Variants in ESS2 observed in about 807,000 individuals in gnomAD.
The protein encoded by ESS2 is ess-2 spliceosome associated protein.
In ESS2, 31 loss-of-function variants were observed where a neutral mutation model predicts 52.0. The ratio of observed to expected loss-of-function variants is 0.60; its 90% confidence interval spans 0.45 to 0.81. The LOEUF is 0.81. Among genes scored for constraint, ESS2 ranks in the 30% least tolerant of loss-of-function variants. The pLI, the probability that ESS2 is intolerant of heterozygous loss-of-function variation, is 0.00. For synonymous variants in ESS2, 285 were observed against 259.2 expected (o/e 1.10, Z -0.95); for missense variants, 602 against 637.2 (o/e 0.94, Z 0.59).
In ESS2 at chr22:19,139,692, T is replaced by C. The variant is rs757856073; in HGVS notation, c.608A>G (p.His203Arg). The change falls in exon 5 of 10, where the codon CAC becomes CGC. Residue 203 changes from histidine to arginine, a missense_variant. His to Arg is a conservative substitution (Grantham distance 29). Transcript: ENST00000252137. ...GGCCTGGCTGCTCTCGATGGCCTGG[T>C]GCTCTGCTGACGGGAGTTCGAGATT... Reference protein sequence around the residue: ...KDNLELPSAEHQAIESSQASV... With the variant: ...KDNLELPSAERQAIESSQASV... 12 of 1,614,096 alleles carry C rather than the reference T, an allele frequency of 7.4e-6. No homozygotes were observed. Among genetic ancestry groups the C allele is most frequent in the Admixed American group, 1.7e-5 (1 of 60,002 alleles).
chr22:19,144,612 G>T lies in ESS2; in HGVS notation c.29C>A (p.Ser10Tyr). The change falls in exon 1 of 10, where the codon TCC becomes TAC. Residue 10 changes from serine to tyrosine, a missense_variant. By Grantham distance (144) the Ser-to-Tyr change is moderately radical. Coordinates refer to ENST00000252137, the MANE Select transcript of ESS2 (RefSeq NM_022719.3). METPGASAS[S>Y]LLLPAASRPP... ...CCTGGACGCGGCGGGAAGCAACAAG[G>T]ACGACGCTGATGCGCCCGGCGTCTC... is the stretch of plus-strand genomic sequence containing the variant. The T allele has an allele frequency of 6.3e-7, 1 of 1,576,854 alleles. No homozygotes were observed.
chr22:19,140,646 G>C (rs1451143894), intron 3 of ESS2, among the ~76,000 whole-genome samples: 1 of 152,190 alleles, frequency 6.6e-6, no homozygotes. Context: ...TCCCACTGAG[G>C]TGGTGCCCTG....
rs2083501062 is a variant in ESS2 at position 19,131,067 on chromosome 22, C to G, written c.*3129G>C. ...TCCAGCTTGACTTGTGACAGGGAAA[C>G]CAATGCAGCAGCAGCAGGGCCACCA... is the stretch of plus-strand genomic sequence containing the variant. On this transcript the variant is annotated 3_prime_UTR_variant, in exon 10 of 10. Coordinates refer to ENST00000252137, the MANE Select transcript of ESS2 (RefSeq NM_022719.3). This position sits in a 1 kb window ranked among gnomAD's most constrained non-coding sequence, Gnocchi z 5.7. 3.6e-6 allele frequency: 1 copy of G among 276,564 alleles called. No homozygotes were observed. The highest frequency in any genetic ancestry group is 2.2e-5 in the African/African-American group (1 of 45,428). The allele number at this position is 276,564 out of a possible 1,614,324, so 17.1% of individuals were successfully genotyped here.
In ESS2 at chr22:19,131,951, C is replaced by G. The variant is rs185015956; in HGVS notation, c.*2245G>C. 1.2e-6 allele frequency: 2 copies of G among 1,614,144 alleles called. No homozygotes were observed. The highest frequency in any genetic ancestry group is 2.7e-5 in the African/African-American group (2 of 75,038). ...GCGGGTCGGCAGCATATGCAGCCCC[C>G]GAGGTGCTGCAGAGCATCCCCTACC... On this transcript the variant is annotated 3_prime_UTR_variant, in exon 10 of 10. Transcript: ENST00000252137. The surrounding 1 kb of genome is among the most constrained non-coding windows in gnomAD (Gnocchi z 5.7).
chr22:19,132,075 C>G lies in ESS2; in HGVS notation c.*2121G>C. 2 of 1,613,840 alleles carry G rather than the reference C, an allele frequency of 1.2e-6. No homozygotes were observed. The highest frequency in any genetic ancestry group is 1.7e-6 in the Non-Finnish European group (2 of 1,179,826). ...CGACTCCGACATCAGGAAGATGCTGCGTATCCAGAAGGAGCACCGTGTGGA... is the reference window on the plus strand; with the variant it reads ...CGACTCCGACATCAGGAAGATGCTGGGTATCCAGAAGGAGCACCGTGTGGA... On this transcript the variant is annotated 3_prime_UTR_variant, in exon 10 of 10. Coordinates refer to ENST00000252137, the MANE Select transcript of ESS2 (RefSeq NM_022719.3). The surrounding 1 kb of genome is among the most constrained non-coding windows in gnomAD (Gnocchi z 4.2).
intron 8 of ESS2, among the ~76,000 whole-genome samples, chr22:19,136,031 T>TAAAAAAAAAAAAAAAAAAAA (rs377121962): frequency 6.5e-5 from 6 of 92,540 alleles, no homozygotes; most frequent in African/African-American, 2.6e-4. Context: ...CCCTATCTGT[T>TAAAAAAAAAAAAAAAAAAAA]AAAAAAAAAA....
rs1347666599 is a variant in ESS2, at chr22:19,134,037, C to G, written c.*159G>C. The G allele has an allele frequency of 2.7e-5, 24 of 888,896 alleles. No homozygotes were observed. Among genetic ancestry groups the G allele is most frequent in the Non-Finnish European group, 3.3e-5 (22 of 659,562 alleles). 55.1% of individuals were successfully genotyped at this position (888,896 alleles called of 1,614,324 possible). ...TGGTGTGGGCACGAGTGCCTTGTGCCAGTCTGGCCCCAGCACAGCCCCTTT... is the reference window on the plus strand; with the variant it reads ...TGGTGTGGGCACGAGTGCCTTGTGCGAGTCTGGCCCCAGCACAGCCCCTTT... On this transcript the variant is annotated 3_prime_UTR_variant, in exon 10 of 10. Transcript: ENST00000252137.
At chr22:19,135,285 A>T in intron 8 of ESS2, 110 bp from the exon 9 acceptor site, 1 of 832,424 alleles carries the variant, frequency 1.2e-6, no homozygotes, top group Non-Finnish European at 1.9e-6. Context: ...GTTGCCTACA[A>T]AACCCCCACA....
Position 19,132,750 on chromosome 22 carries a change from G to GCC in ESS2, c.*1444_*1445dup. On this transcript the variant is annotated 3_prime_UTR_variant, in exon 10 of 10. Transcript: ENST00000252137. The surrounding 1 kb of genome is among the most constrained non-coding windows in gnomAD (Gnocchi z 4.2). ...GTTTTTCTCTGGGACTCAGCCAACC[G>GCC]CCCCACCTGACACACAGTGGTCTCC... 2 of 441,160 alleles carry GCC rather than the reference G, an allele frequency of 4.5e-6. No homozygotes were observed. The highest frequency in any genetic ancestry group is 8.2e-6 in the Non-Finnish European group (2 of 243,470). 27.3% of individuals were successfully genotyped at this position (441,160 alleles called of 1,614,324 possible).
At position 19,132,171 on chromosome 22, in the gene ESS2, A is replaced by G; in HGVS notation, c.*2025T>C. ...CTACCGCATGCTGCAGCCCGACGTCAGCCAGCGGCTCCACATCGATGAGAT... is the reference window on the plus strand; with the variant it reads ...CTACCGCATGCTGCAGCCCGACGTCGGCCAGCGGCTCCACATCGATGAGAT... On this transcript the variant is annotated 3_prime_UTR_variant, in exon 10 of 10. Coordinates refer to ENST00000252137, the MANE Select transcript of ESS2 (RefSeq NM_022719.3). The surrounding 1 kb of genome is among the most constrained non-coding windows in gnomAD (Gnocchi z 4.2). 1 of 1,613,292 alleles carries G rather than the reference A, an allele frequency of 6.2e-7. No individual in the cohort carries two copies. Among genetic ancestry groups the G allele is most frequent in the Non-Finnish European group, 8.5e-7 (1 of 1,179,394 alleles).
chr22:19,139,247 A>T lies in ESS2; in HGVS notation c.734T>A (p.Val245Glu). The T allele has an allele frequency of 6.2e-7, 1 of 1,607,800 alleles. No homozygotes were observed. ...CCTAAGGAAGCGCGTGTTCTTATGT[A>T]CCACCTGCCGGGGCTTCTTAAACAG... ...EQLFKKPRQV[V>E]HKNTRFLRDP... Residue 245 changes from valine (V) to glutamate (E), a missense_variant, in exon 6 of 10, where the codon GTA becomes GAA. Coordinates refer to ENST00000252137, the MANE Select transcript of ESS2 (RefSeq NM_022719.3).
At position 19,131,924 on chromosome 22, in the gene ESS2, C is replaced by T; in HGVS notation, c.*2272G>A. On this transcript the variant is annotated 3_prime_UTR_variant, in exon 10 of 10. Coordinates refer to ENST00000252137, the MANE Select transcript of ESS2 (RefSeq NM_022719.3). The surrounding 1 kb of genome is among the most constrained non-coding windows in gnomAD (Gnocchi z 5.7). ...GGCGCATCATCCTCAGCAAGACCTT[C>T]TGCGGGTCGGCAGCATATGCAGCCC... is the stretch of plus-strand genomic sequence containing the variant. 1 of 1,614,144 alleles carries T rather than the reference C, an allele frequency of 6.2e-7. No homozygotes were observed. Among genetic ancestry groups the T allele is most frequent in the Non-Finnish European group, 8.5e-7 (1 of 1,179,960 alleles).
At chr22:19,142,991 G>A in intron 1 of ESS2, 97 bp from the exon 2 acceptor site, 5 of 1,242,008 alleles carry the variant, frequency 4.0e-6, no homozygotes, top group Non-Finnish European at 5.6e-6. Context: ...TGGATCATGA[G>A]GTCAGAAGTT....
chr22:19,137,400 C>A lies in ESS2; in HGVS notation c.958G>T (p.Glu320Ter), dbSNP rs1464199559. 1.2e-6 allele frequency: 2 copies of A among 1,612,916 alleles called. No homozygotes were observed. The highest frequency in any genetic ancestry group is 2.2e-5 in the East Asian group (1 of 44,760). ...ACTCTCAAGGGTGTGTTCTCAACCT[C>A]CCCCCAGGTCATCATCGGGGACTCG... ...VNESPMMTWG[E>*]VENTPLRVEG... Residue 320 changes from glutamate to a stop codon, truncating the protein, a stop_gained, in exon 8 of 10, where the codon GAG (glutamate) becomes TAG (stop). Transcript: ENST00000252137. LOFTEE classifies it high-confidence loss of function.
Position 19,137,099 on chromosome 22 carries a change from A to C in ESS2, c.1035+224T>G, listed in dbSNP as rs188609862. 7.7e-3 allele frequency among the ~76,000 whole-genome samples: 1,176 copies of C among 152,224 alleles called. 20 individuals carry two copies. Among genetic ancestry groups the C allele is most frequent in the African/African-American group, 0.026 (1,097 of 41,546 alleles). On this transcript the variant is annotated intron_variant, in intron 8 of 9. Transcript: ENST00000252137. ...CGGCCTCCAGGATCCAGAGGGCCCAAGCCACTCCCTGCCTTGGTGTCTCAG... is the reference window on the plus strand; with the variant it reads ...CGGCCTCCAGGATCCAGAGGGCCCACGCCACTCCCTGCCTTGGTGTCTCAG...
rs1031065623 is a variant in ESS2, at chr22:19,133,946, G to A, written c.*250C>T. On this transcript the variant is annotated 3_prime_UTR_variant, in exon 10 of 10. Coordinates refer to ENST00000252137, the MANE Select transcript of ESS2 (RefSeq NM_022719.3). ...GAGGCAACCCCCCAGACTGTACCTA[G>A]GTGTTCTTTAATGACAGTTCAAGGG... 7.6e-6 allele frequency: 3 copies of A among 397,274 alleles called. No individual in the cohort carries two copies. Among genetic ancestry groups the A allele is most frequent in the East Asian group, 3.8e-5 (1 of 26,476 alleles). The allele number at this position is 397,274 out of a possible 1,614,324, so 24.6% of individuals were successfully genotyped here.
intron 4 of ESS2, 31 bp from the exon 5 acceptor site, chr22:19,139,760 G>C: frequency 6.2e-7 from 1 of 1,614,016 alleles, no homozygotes; most frequent in Middle Eastern, 1.7e-4. Flanking sequence ...GTGATGGTCA[G>C]AGATGCCCCT....
intron 3 of ESS2, among the ~76,000 whole-genome samples, chr22:19,141,418 C>T (rs748310104): frequency 6.6e-6 from 1 of 152,176 alleles, no homozygotes; most frequent in Admixed American, 6.5e-5. Context: ...AGTCCCATGG[C>T]GTGCAGAACA....
At chr22:19,140,812 ACT>A (rs1459522030) in intron 3 of ESS2, among the ~76,000 whole-genome samples, 1 of 152,132 alleles carries the variant, frequency 6.6e-6, no homozygotes, top group Non-Finnish European at 1.5e-5. Flanking sequence ...GGGGTCAGAA[ACT>A]CTATTCATCT....
Sources: gnomAD v4.1 joint callset for allele counts (sites outside exome capture counted in the v4.1 genomes callset) on GRCh38, gnomAD v4.1.1 for gene constraint, Gnocchi (gnomAD v3.1) non-coding constraint, MANE v1.5 for transcripts, NCBI Gene and HGNC (gene_info 2026-07-23, HGNC 2026-07-21) for gene names.